Variants in MAML3 observed in about 807,000 individuals in gnomAD.
The protein encoded by MAML3 is mastermind-like protein 3.
In MAML3, 27 loss-of-function variants were observed where a neutral mutation model predicts 101.9. That is an observed-to-expected ratio of 0.27 (90% CI 0.20 to 0.37). MAML3 has a LOEUF of 0.37. Ranked by LOEUF, MAML3 falls within the 10% of genes least tolerant of loss-of-function variation. The pLI, the probability that MAML3 is intolerant of heterozygous loss-of-function variation, is 1.00. For synonymous variants in MAML3, 501 were observed against 555.9 expected, an observed-to-expected ratio of 0.90 and a Z score of 1.39; for missense variants, 1,316 against 1,444.9, an observed-to-expected ratio of 0.91 and a Z score of 1.45.
At chr4:139,738,662 T>C (rs1242157191) in intron 2 of MAML3, among the ~76,000 whole-genome samples, 1 of 151,644 alleles carries the variant, frequency 6.6e-6, no homozygotes, top group Non-Finnish European at 1.5e-5. Context: ...GCCCAATTGC[T>C]GGGGAACATT....
At chr4:139,978,410 G>C (rs970212654) in intron 1 of MAML3, among the ~76,000 whole-genome samples, 6 of 152,124 alleles carry the variant, frequency 3.9e-5, no homozygotes, top group African/African-American at 9.7e-5. Flanking sequence ...AGTGAGCAGA[G>C]AAGAGCCTCA....
intron 1 of MAML3, among the ~76,000 whole-genome samples, chr4:139,977,349 G>A (rs758743422): frequency 5.9e-5 from 9 of 152,064 alleles, no homozygotes; most frequent in South Asian, 2.1e-4. Flanking sequence ...TGATAGTGCC[G>A]AGGGTGAGAA....
intron 1 of MAML3, among the ~76,000 whole-genome samples, chr4:139,979,477 C>G (rs548872118): frequency 2.6e-5 from 4 of 152,184 alleles, no homozygotes; most frequent in African/African-American, 9.7e-5. Flanking sequence ...GCTGCTTTAG[C>G]TCTATCCATG....
rs545810368 is a variant in MAML3, at chr4:140,099,100, C to A, written c.468+53760G>T. ...TAATTTATGCACAAAAAAATAAGGACAGTAAAATTGACATGAATTGTATGT... is the reference window on the plus strand; with the variant it reads ...TAATTTATGCACAAAAAAATAAGGAAAGTAAAATTGACATGAATTGTATGT... On this transcript the variant is annotated intron_variant, in intron 1 of 4. Coordinates refer to ENST00000509479, the MANE Select transcript of MAML3 (RefSeq NM_018717.5). Among the ~76,000 whole-genome samples, 6 of 152,152 alleles carry A rather than the reference C, an allele frequency of 3.9e-5. No individual in the cohort carries two copies. The South Asian group carries it at 1.2e-3, about 32-fold the overall frequency.
chr4:139,759,381 C>T (rs975743215), intron 2 of MAML3, among the ~76,000 whole-genome samples: 12 of 152,212 alleles, frequency 7.9e-5, no homozygotes, highest in Non-Finnish European at 1.0e-4. Flanking sequence ...GTGGGGCTCA[C>T]GTGGCAGGGA....
intron 1 of MAML3, among the ~76,000 whole-genome samples, chr4:139,948,066 C>T (rs1163338788): frequency 2.0e-4 from 31 of 151,322 alleles, no homozygotes; most frequent in Admixed American, 6.6e-5. Flanking sequence ...CGCCATTGCA[C>T]GCCAGTCTGG....
intron 2 of MAML3, among the ~76,000 whole-genome samples, chr4:139,860,121 C>T (rs1443871583): frequency 1.3e-5 from 2 of 152,234 alleles, no homozygotes. Flanking sequence ...GAAAGCAACT[C>T]GAAAACCCAC....
intron 1 of MAML3, among the ~76,000 whole-genome samples, chr4:140,066,633 G>GA (rs948009665): frequency 5.3e-5 from 8 of 151,768 alleles, no homozygotes; most frequent in Non-Finnish European, 7.4e-5. Context: ...ACAGGAGCAG[G>GA]AAAAAAAATC....
chr4:140,069,324 AAGAAGG>A (rs758333245), intron 1 of MAML3, among the ~76,000 whole-genome samples: 37,971 of 109,868 alleles, frequency 0.35, 9,064 homozygotes, highest in East Asian at 0.46. Context: ...TCTGTCCAAG[AAGAAGG>A]AGAAGGAGAA....
chr4:139,936,911 A>AGGGAGGCAAGAGGCTGAATTC (rs1292811900), intron 1 of MAML3, among the ~76,000 whole-genome samples: 3 of 152,172 alleles, frequency 2.0e-5, no homozygotes, highest in Non-Finnish European at 4.4e-5. Flanking sequence ...ATCTTGCTCA[A>AGGGAGGCAAGAGGCTGAATTC]GGGAGGCAAG....
intron 2 of MAML3, among the ~76,000 whole-genome samples, chr4:139,861,631 G>T (rs1194512269): frequency 2.0e-5 from 3 of 152,030 alleles, no homozygotes; most frequent in African/African-American, 7.2e-5. Context: ...GGCAAAGGTG[G>T]ACCTTTATTT....
At position 140,154,133 on chromosome 4, in the gene MAML3, T is replaced by TCCTCCTCTCGCTCCTCCA. The variant is rs1729227063; in HGVS notation, c.-807_-806insTGGAGGAGCGAGAGGAGG. 5.7e-6 allele frequency: 1 copy of TCCTCCTCTCGCTCCTCCA among 176,236 alleles called. No homozygotes were observed. 10.9% of individuals were successfully genotyped at this position (176,236 alleles called of 1,614,324 possible). A position where few individuals can be genotyped will look rare whatever the true frequency, so the allele number is the denominator to read the frequency against. The stretch of plus-strand genomic sequence containing the variant: ...CGCCGCCGCCGCCGCCGCCGCCTCC[T>TCCTCCTCTCGCTCCTCCA]CCTCCTCCTCTCGCTCCTCCACCTC... On this transcript the variant is annotated 5_prime_UTR_variant, in exon 1 of 5. Coordinates refer to ENST00000509479, the MANE Select transcript of MAML3 (RefSeq NM_018717.5).
chr4:140,096,009 C>G (rs1445654672), intron 1 of MAML3, among the ~76,000 whole-genome samples: 1 of 152,218 alleles, frequency 6.6e-6, no homozygotes, highest in Non-Finnish European at 1.5e-5. Context: ...CTGTTACACA[C>G]AGCAGGTTCT....
chr4:139,770,457 A>G (rs564982209), intron 2 of MAML3, among the ~76,000 whole-genome samples: 1 of 152,346 alleles, frequency 6.6e-6, no homozygotes, highest in South Asian at 2.1e-4. Flanking sequence ...TCTTTTAAAA[A>G]GACTATTCTG....
chr4:140,151,773 TAAGAG>T (rs1195942575), intron 1 of MAML3, among the ~76,000 whole-genome samples: 2 of 150,106 alleles, frequency 1.3e-5, no homozygotes, highest in Non-Finnish European at 2.9e-5. Context: ...AGAGGGGAGA[TAAGAG>T]AAAGGATTCT....
chr4:139,769,270 A>G (rs1729926420), intron 2 of MAML3, among the ~76,000 whole-genome samples: 1 of 152,194 alleles, frequency 6.6e-6, no homozygotes. Context: ...CCTCATGCCC[A>G]GAGAGGCTCT....
Position 140,058,390 on chromosome 4 carries a change from C to T in MAML3, c.468+94470G>A, listed in dbSNP as rs1023097714. Among the ~76,000 whole-genome samples, 9 of 151,896 alleles carry T rather than the reference C, an allele frequency of 5.9e-5. No individual in the cohort carries two copies. The East Asian group carries it at 1.7e-3, about 29-fold the overall frequency. ...TACAGGCATGAGCCACCGTGCCTAG[C>T]CCCAAGTTTAGAGTATTTTTAAAAA... On this transcript the variant is annotated intron_variant, in intron 1 of 4. Transcript: ENST00000509479.
At chr4:139,749,078 A>T (rs1729417639) in intron 2 of MAML3, among the ~76,000 whole-genome samples, 1 of 152,240 alleles carries the variant, frequency 6.6e-6, no homozygotes, top group South Asian at 2.1e-4. Flanking sequence ...AACAGAGCTC[A>T]AATGGAAAAA....
intron 1 of MAML3, among the ~76,000 whole-genome samples, chr4:140,018,517 C>CAAAT (rs1227612306): frequency 6.6e-6 from 1 of 152,152 alleles, no homozygotes; most frequent in African/African-American, 2.4e-5. Flanking sequence ...AAACTCCAAG[C>CAAAT]AAATAATAAT....
Sources: allele counts gnomAD v4.1 joint callset (sites outside exome capture counted in the v4.1 genomes callset), GRCh38; gene constraint gnomAD v4.1.1; transcripts MANE v1.5; gene names NCBI Gene and HGNC (gene_info 2026-07-23, HGNC 2026-07-21).